The following CFAP299 variants were observed in gnomAD, a reference collection of about 807,000 sequenced individuals.
The protein encoded by CFAP299 is cilia and flagella associated protein 299.
CFAP299 carries 21 observed loss-of-function variants against 27.0 expected under a neutral mutation model. The ratio of observed to expected loss-of-function variants is 0.78; its 90% CI spans 0.55 to 1.12. The LOEUF is 1.12. CFAP299 is among the 50% of genes most tolerant of loss of function. CFAP299 has a pLI of 0.00. For synonymous variants in CFAP299, 104 were observed against 98.1 expected, an observed-to-expected ratio of 1.06 and a Z score of -0.36; for missense variants, 310 against 276.6, an observed-to-expected ratio of 1.12 and a Z score of -0.86.
intron 2 of CFAP299, among the ~76,000 whole-genome samples, chr4:80,560,042 C>T (rs1427596112): frequency 6.6e-6 from 1 of 152,092 alleles, no homozygotes; most frequent in Admixed American, 6.6e-5. Context: ...CCCCAGGCTG[C>T]ATAGCCCGTG....
chr4:80,620,447 A>G (rs181727241), intron 3 of CFAP299, among the ~76,000 whole-genome samples: 49 of 152,270 alleles, frequency 3.2e-4, no homozygotes, highest in African/African-American at 1.2e-3. Context: ...CTCTACTTTT[A>G]GGGATAGCAG....
At chr4:80,436,138 T>C (rs145512209) in intron 2 of CFAP299, among the ~76,000 whole-genome samples, 2 of 152,110 alleles carry the variant, frequency 1.3e-5, no homozygotes, top group Non-Finnish European at 2.9e-5. Context: ...AAATTTCCAT[T>C]CTCTCCTGCT....
chr4:80,694,839 A>G (rs1267267033), intron 3 of CFAP299, among the ~76,000 whole-genome samples: 1 of 152,176 alleles, frequency 6.6e-6, no homozygotes, highest in Non-Finnish European at 1.5e-5. Context: ...AATTACTGTG[A>G]TTGAATTGTG....
At chr4:80,537,100 C>T (rs1287843877) in intron 2 of CFAP299, among the ~76,000 whole-genome samples, 1 of 152,100 alleles carries the variant, frequency 6.6e-6, no homozygotes. Context: ...AAATGCTCAA[C>T]ATCATTAATC....
chr4:80,882,268 T>G (rs1328331973), intron 4 of CFAP299, among the ~76,000 whole-genome samples: 1 of 152,028 alleles, frequency 6.6e-6, no homozygotes, highest in African/African-American at 2.4e-5. Flanking sequence ...GGAACCCAAA[T>G]AGGTTGAATT....
chr4:80,739,054 T>C (rs1174189043), intron 3 of CFAP299, among the ~76,000 whole-genome samples: 2 of 152,108 alleles, frequency 1.3e-5, no homozygotes, highest in East Asian at 3.8e-4. Flanking sequence ...CTCTATACTT[T>C]AGTTTCGTCC....
intron 3 of CFAP299, among the ~76,000 whole-genome samples, chr4:80,769,979 A>G (rs1726117113): frequency 6.6e-6 from 1 of 152,132 alleles, no homozygotes; most frequent in South Asian, 2.1e-4. Context: ...CTAGTTTCTT[A>G]GTTCCACCCT....
At chr4:80,740,291 T>C (rs1489483021) in intron 3 of CFAP299, among the ~76,000 whole-genome samples, 1 of 152,240 alleles carries the variant, frequency 6.6e-6, no homozygotes, top group East Asian at 1.9e-4. Flanking sequence ...TGTTTGTTTC[T>C]GTCCTTCTTA....
intron 2 of CFAP299, among the ~76,000 whole-genome samples, chr4:80,407,124 A>G (rs1726469402): frequency 1.3e-5 from 2 of 152,204 alleles, no homozygotes; most frequent in Non-Finnish European, 2.9e-5. Flanking sequence ...CAAAATAAAT[A>G]AACATTGTCA....
chr4:80,702,077 G>T (rs969652669), intron 3 of CFAP299, among the ~76,000 whole-genome samples: 1 of 151,778 alleles, frequency 6.6e-6, no homozygotes, highest in Non-Finnish European at 1.5e-5. Context: ...AAAATGAGGT[G>T]AGGTGGAAAG....
At chr4:80,813,099 A>T (rs1461678520) in intron 3 of CFAP299, among the ~76,000 whole-genome samples, 1 of 152,104 alleles carries the variant, frequency 6.6e-6, no homozygotes, top group Non-Finnish European at 1.5e-5. Context: ...AACTATTTTC[A>T]CATATTAGGA....
intron 3 of CFAP299, among the ~76,000 whole-genome samples, chr4:80,663,027 A>C (rs553503252): frequency 1.2e-4 from 19 of 152,122 alleles, no homozygotes; most frequent in East Asian, 9.6e-4. Flanking sequence ...GGAAAAAAAA[A>C]AACAACACAT....
chr4:80,802,228 A>G (rs1728649368), intron 3 of CFAP299, among the ~76,000 whole-genome samples: 2 of 152,068 alleles, frequency 1.3e-5, no homozygotes. Flanking sequence ...AGAGTAAACA[A>G]TCATTTTAAA....
chr4:80,889,444 T>A (rs1734138949), intron 4 of CFAP299, among the ~76,000 whole-genome samples: 1 of 151,732 alleles, frequency 6.6e-6, no homozygotes, highest in Non-Finnish European at 1.5e-5. Context: ...ATCCAAAACC[T>A]CAATAGACCG....
intron 2 of CFAP299, among the ~76,000 whole-genome samples, chr4:80,418,350 A>T (rs114428902): frequency 0.012 from 1,755 of 151,538 alleles, 41 homozygotes; most frequent in African/African-American, 0.039. Context: ...TTCTTTTTTT[A>T]AAAAAAAGTG....
chr4:80,731,900 A>G (rs1420484748), intron 3 of CFAP299, among the ~76,000 whole-genome samples: 4 of 152,220 alleles, frequency 2.6e-5, no homozygotes, highest in East Asian at 1.9e-4. Context: ...TGTTTTTATA[A>G]TCCATAATTT....
At chr4:80,873,722 G>A (rs188760412) in intron 4 of CFAP299, among the ~76,000 whole-genome samples, 154 of 152,284 alleles carry the variant, frequency 1.0e-3, no homozygotes, top group Admixed American at 1.8e-3. Flanking sequence ...AAGGACAACT[G>A]TACCATGTAG....
intron 2 of CFAP299, among the ~76,000 whole-genome samples, chr4:80,547,193 G>A (rs1054147468): frequency 1.3e-5 from 2 of 151,946 alleles, no homozygotes; most frequent in African/African-American, 4.8e-5. Flanking sequence ...CAGACCAATG[G>A]AAAAGGATAG....
In CFAP299 at chr4:80,730,276, GTGTA is replaced by G. The variant is rs1398321760; in HGVS notation, c.334-139713_334-139710del. Among the ~76,000 whole-genome samples, 1,283 of 145,964 alleles carry G rather than the reference GTGTA, an allele frequency of 8.8e-3. 8 individuals are homozygous for G. Among genetic ancestry groups the G allele is most frequent in the Middle Eastern group, 0.017 (5 of 286 alleles). The stretch of plus-strand genomic sequence containing the variant: ...TGTGTGTGTGTGTGTGTGTGTGTGT[GTGTA>G]TGTGTGTGTGTGTGTGTGTATGACC... On this transcript the variant is annotated intron_variant, in intron 3 of 5. Coordinates refer to ENST00000358105, the MANE Select transcript of CFAP299 (RefSeq NM_152770.3).
Sources: allele counts gnomAD v4.1 joint callset (sites outside exome capture counted in the v4.1 genomes callset), GRCh38; gene constraint gnomAD v4.1.1; transcripts MANE v1.5; gene names NCBI Gene and HGNC (gene_info 2026-07-23, HGNC 2026-07-21).